HTR4: variants seen among roughly 807,000 people sequenced by gnomAD.
HTR4 encodes 5-hydroxytryptamine (serotonin) receptor 4, G protein-coupled.
HTR4 carries 16 observed loss-of-function variants against 36.8 expected under a neutral mutation model. The observed-to-expected ratio is 0.43, with a 90% CI of 0.29 to 0.66. HTR4 has a LOEUF of 0.66. Ranked by LOEUF, HTR4 falls within the 30% of genes least tolerant of loss-of-function variation. The probability of loss-of-function intolerance (pLI) is 0.13; values close to 1 mark genes in which losing one functional copy is unlikely to be tolerated. For synonymous variants in HTR4, 189 were observed against 185.1 expected (o/e 1.02, Z -0.17); for missense variants, 438 against 490.9 (o/e 0.89, Z 1.02).
intron 2 of HTR4, among the ~76,000 whole-genome samples, chr5:148,582,056 T>A (rs1761157002): frequency 6.6e-6 from 1 of 152,082 alleles, no homozygotes; most frequent in African/African-American, 2.4e-5. Context: ...CTTAGTTAGG[T>A]TTATTCCTAG....
intron 1 of HTR4, among the ~76,000 whole-genome samples, chr5:148,639,356 A>C (rs1392970152): frequency 6.6e-6 from 1 of 151,882 alleles, no homozygotes; most frequent in African/African-American, 2.4e-5. Flanking sequence ...AACTGTAGCC[A>C]TGCCCCTCCC....
At position 148,460,731 on chromosome 5, in the gene HTR4, T is replaced by C. The variant is rs555954019; in HGVS notation, c.1077-9459A>G. ...GGAAGAGCATCAGAGAAGGAATAAGTGAAGTAAAATAATAGCTTTTATTTT... is the reference window on the plus strand; with the variant it reads ...GGAAGAGCATCAGAGAAGGAATAAGCGAAGTAAAATAATAGCTTTTATTTT... On this transcript the variant is annotated intron_variant, in intron 5 of 5. Coordinates refer to the HTR4 transcript ENST00000521530. Among the ~76,000 whole-genome samples, 14 of 152,226 alleles carry C rather than the reference T, an allele frequency of 9.2e-5. No individual in the cohort carries two copies. The South Asian group carries it at 2.9e-3, about 32-fold the overall frequency.
intron 1 of HTR4, chr5:148,645,530 A>G (rs996992577): frequency 6.6e-6 from 1 of 152,154 alleles, no homozygotes; most frequent in Non-Finnish European, 1.5e-5. Context: ...GATTCAAACC[A>G]CAACCCTGGA....
chr5:148,642,026 T>C (rs1244579320), intron 1 of HTR4, among the ~76,000 whole-genome samples: 2 of 152,166 alleles, frequency 1.3e-5, no homozygotes, highest in African/African-American at 4.8e-5. Context: ...TCCACTTTGT[T>C]TTGTTTTCTC....
At chr5:148,616,899 A>G (rs1396691194) in intron 2 of HTR4, among the ~76,000 whole-genome samples, 1 of 152,230 alleles carries the variant, frequency 6.6e-6, no homozygotes, top group East Asian at 1.9e-4. Context: ...TTGGAAGAGT[A>G]ATTAACAGGG....
chr5:148,457,553 TCTC>T (rs200185133), intron 5 of HTR4, among the ~76,000 whole-genome samples: 6 of 151,342 alleles, frequency 4.0e-5, no homozygotes, highest in Non-Finnish European at 7.4e-5. Flanking sequence ...ACCCCAGCCT[TCTC>T]CTGCAAGGCA....
At chr5:148,564,371 T>A (rs954396280) in intron 2 of HTR4, among the ~76,000 whole-genome samples, 1 of 152,204 alleles carries the variant, frequency 6.6e-6, no homozygotes, top group African/African-American at 2.4e-5. Flanking sequence ...CATTGTACCC[T>A]ATAATTATAT....
Position 148,483,058 on chromosome 5 carries a change from A to C in HTR4, c.*145T>G. On this transcript the variant is annotated 3_prime_UTR_variant, in exon 7 of 7. Coordinates refer to ENST00000377888, the MANE Select transcript of HTR4 (RefSeq NM_000870.7). ...CCACCTGCTGGAATCTCAGAGGAAA[A>C]GCCCAGCGAGCACCGGGTTCCTGCA... 1 of 1,468,650 alleles carries C rather than the reference A, an allele frequency of 6.8e-7. No homozygotes were observed. The highest frequency in any genetic ancestry group is 9.0e-7 in the Non-Finnish European group (1 of 1,105,364). The allele number at this position is 1,468,650 out of a possible 1,614,324, so 91.0% of individuals were successfully genotyped here.
intron 2 of HTR4, among the ~76,000 whole-genome samples, chr5:148,571,869 A>AT (rs1760692105): frequency 1.3e-5 from 2 of 152,104 alleles, no homozygotes; most frequent in Non-Finnish European, 2.9e-5. Context: ...GTCCTGAAGG[A>AT]TTTTTAACAC....
chr5:148,649,429 C>G (rs921996464), intron 1 of HTR4, among the ~76,000 whole-genome samples: 2 of 152,042 alleles, frequency 1.3e-5, no homozygotes, highest in African/African-American at 4.8e-5. Flanking sequence ...CTCCATAGTG[C>G]TAATGTGGAT....
chr5:148,531,684 G>A (rs185376300), intron 4 of HTR4, among the ~76,000 whole-genome samples: 112 of 152,284 alleles, frequency 7.4e-4, no homozygotes, highest in African/African-American at 2.6e-3. Flanking sequence ...GCATCCTAAA[G>A]TTAAGAAAGT....
intron 3 of HTR4, 42 bp downstream of exon 3, chr5:148,550,095 G>A: frequency 6.2e-7 from 1 of 1,610,856 alleles, no homozygotes; most frequent in Non-Finnish European, 8.5e-7. Flanking sequence ...GGACAGCTCA[G>A]AACTCCCATG....
chr5:148,542,795 TG>T (rs1032875994), intron 4 of HTR4, among the ~76,000 whole-genome samples: 4 of 152,148 alleles, frequency 2.6e-5, no homozygotes, highest in Non-Finnish European at 5.9e-5. Flanking sequence ...AGGGAAGACT[TG>T]GGGATGATAT....
intron 2 of HTR4, among the ~76,000 whole-genome samples, chr5:148,591,445 T>A (rs903506257): frequency 2.0e-5 from 3 of 152,230 alleles, no homozygotes; most frequent in African/African-American, 7.2e-5. Flanking sequence ...TTAGTGATAC[T>A]GATTCTTCCT....
At chr5:148,614,937 C>T (rs1332834201) in intron 2 of HTR4, among the ~76,000 whole-genome samples, 98 of 152,222 alleles carry the variant, frequency 6.4e-4, no homozygotes, top group Admixed American at 3.3e-3. Flanking sequence ...AAAATGCTCA[C>T]CATCACTGGC....
chr5:148,644,791 T>C (rs1753833415), intron 1 of HTR4: 1 of 152,148 alleles, frequency 6.6e-6, no homozygotes, highest in Non-Finnish European at 1.5e-5. Flanking sequence ...TTTATTGTGC[T>C]TGTGTGCAAA....
intron 5 of HTR4, among the ~76,000 whole-genome samples, chr5:148,462,860 A>AGGGG: frequency 1.3e-5 from 2 of 152,324 alleles, no homozygotes; most frequent in East Asian, 3.9e-4. Context: ...ACAACTTTTG[A>AGGGG]AAATCAATTA....
downstream of HTR4, among the ~76,000 whole-genome samples, chr5:148,480,336 G>A (rs549526947): frequency 6.6e-6 from 1 of 152,300 alleles, no homozygotes; most frequent in East Asian, 1.9e-4. Context: ...GGATTTGGAA[G>A]AATTAATATC....
At chr5:148,644,203 C>T (rs1308004825) in intron 1 of HTR4, among the ~76,000 whole-genome samples, 1 of 152,062 alleles carries the variant, frequency 6.6e-6, no homozygotes, top group African/African-American at 2.4e-5. Flanking sequence ...GGTTCACATC[C>T]CCCGGGGAAA....
Sources: gnomAD v4.1 joint callset for allele counts (sites outside exome capture counted in the v4.1 genomes callset) on GRCh38, gnomAD v4.1.1 for gene constraint, MANE v1.5 for transcripts, NCBI Gene and HGNC (gene_info 2026-07-23, HGNC 2026-07-21) for gene names.